The following ENOX1 variants were observed in gnomAD, a reference collection of about 807,000 sequenced individuals.
The protein encoded by ENOX1 is candidate growth-related and time keeping constitutive hydroquinone (NADH) oxidase.
ENOX1 carries 42 observed loss-of-function variants against 82.5 expected under a neutral mutation model. That is an observed-to-expected ratio of 0.51 (90% CI 0.40 to 0.66). The LOEUF (loss-of-function observed/expected upper bound fraction) is 0.66, where lower values mean the gene tolerates loss of function less well. ENOX1 is among the 30% of genes least tolerant of loss of function. The probability of loss-of-function intolerance (pLI) is 0.00; values close to 1 mark genes in which losing one functional copy is unlikely to be tolerated. For synonymous variants in ENOX1, 271 were observed against 282.2 expected, an observed-to-expected ratio of 0.96 and a Z score of 0.40; for missense variants, 608 against 811.6, an observed-to-expected ratio of 0.75 and a Z score of 3.05.
intron 2 of ENOX1, among the ~76,000 whole-genome samples, chr13:43,527,163 G>GA (rs1251974215): frequency 6.6e-6 from 1 of 151,526 alleles, no homozygotes. Flanking sequence ...CGGCAAGACA[G>GA]AACCTCCCTC....
chr13:43,364,325 A>G (rs1348377814), intron 5 of ENOX1, among the ~76,000 whole-genome samples: 1 of 152,184 alleles, frequency 6.6e-6, no homozygotes, highest in Non-Finnish European at 1.5e-5. Context: ...TACTCAGCGC[A>G]AAGAGGAGGA....
At chr13:43,395,291 C>T (rs2053070886) in intron 5 of ENOX1, among the ~76,000 whole-genome samples, 1 of 152,196 alleles carries the variant, frequency 6.6e-6, no homozygotes, top group Admixed American at 6.5e-5. Flanking sequence ...CCAAGGCGGG[C>T]AGACCACTTA....
intron 3 of ENOX1, among the ~76,000 whole-genome samples, chr13:43,460,377 CAAG>C (rs2057413603): frequency 6.6e-6 from 1 of 152,102 alleles, no homozygotes; most frequent in East Asian, 1.9e-4. Context: ...CACTTCCTCT[CAAG>C]AGGAAATTTA....
intron 3 of ENOX1, among the ~76,000 whole-genome samples, chr13:43,418,182 A>G (rs770057157): frequency 8.6e-5 from 13 of 151,008 alleles, no homozygotes; most frequent in Non-Finnish European, 1.8e-4. Context: ...ACTCCAGCCT[A>G]GTTGCCAGAG....
At chr13:43,556,122 T>A (rs1216551770) in intron 2 of ENOX1, among the ~76,000 whole-genome samples, 1 of 152,194 alleles carries the variant, frequency 6.6e-6, no homozygotes, top group Non-Finnish European at 1.5e-5. Context: ...CACTGTAACA[T>A]GGGACGTAAA....
chr13:43,589,637 A>ATACTAG (rs61452050), intron 2 of ENOX1, among the ~76,000 whole-genome samples: 2 of 152,116 alleles, frequency 1.3e-5, no homozygotes, highest in Non-Finnish European at 2.9e-5. Flanking sequence ...CCAAGTAGCC[A>ATACTAG]GACTATAGGC....
At chr13:43,370,507 T>C (rs1242099690) in intron 5 of ENOX1, among the ~76,000 whole-genome samples, 2 of 152,190 alleles carry the variant, frequency 1.3e-5, no homozygotes, top group African/African-American at 4.8e-5. Context: ...TACCGTCAAT[T>C]CCTTAGGCTG....
intron 8 of ENOX1, among the ~76,000 whole-genome samples, chr13:43,348,998 T>C (rs1566572841): frequency 6.6e-6 from 1 of 152,232 alleles, no homozygotes; most frequent in Non-Finnish European, 1.5e-5. Flanking sequence ...GTTTCAGGCA[T>C]CCACTGGGGA....
At chr13:43,356,213 G>C in intron 7 of ENOX1, 61 bp from the exon 8 acceptor site, 1 of 1,473,128 alleles carries the variant, frequency 6.8e-7, no homozygotes, top group Non-Finnish European at 9.3e-7. Context: ...TTTTGGTCCA[G>C]ACCTTCAAGG....
intron 3 of ENOX1, among the ~76,000 whole-genome samples, chr13:43,474,610 A>T (rs1000365713): frequency 1.3e-5 from 2 of 152,154 alleles, no homozygotes; most frequent in African/African-American, 4.8e-5. Flanking sequence ...ATTTGAAACG[A>T]AGTTGCTGAT....
intron 12 of ENOX1, among the ~76,000 whole-genome samples, chr13:43,280,432 C>T (rs1235789230): frequency 1.3e-5 from 2 of 152,240 alleles, no homozygotes; most frequent in African/African-American, 4.8e-5. Context: ...ATATTACCAT[C>T]ATCACTAGTC....
rs149117527 is a variant in ENOX1 at position 43,505,144 on chromosome 13, G to T, written c.-218-20992C>A. On this transcript the variant is annotated intron_variant, in intron 2 of 16. Transcript: ENST00000690772. ...GTAAAGAGACATGAGATTTATACTTGTTCTAGATGCTTCCAGTTCAACATG... is the reference window on the plus strand; with the variant it reads ...GTAAAGAGACATGAGATTTATACTTTTTCTAGATGCTTCCAGTTCAACATG... Among the ~76,000 whole-genome samples, 589 of 151,954 alleles carry T rather than the reference G, an allele frequency of 3.9e-3. 5 individuals carry two copies. Among genetic ancestry groups the T allele is most frequent in the African/African-American group, 0.013 (542 of 41,492 alleles).
intron 2 of ENOX1, among the ~76,000 whole-genome samples, chr13:43,512,542 T>A (rs1307072619): frequency 2.0e-5 from 3 of 151,422 alleles, no homozygotes; most frequent in Non-Finnish European, 4.4e-5. Flanking sequence ...AAATACTACA[T>A]AATAAAACAA....
At chr13:43,726,955 T>G (rs538291000) in intron 1 of ENOX1, among the ~76,000 whole-genome samples, 73 of 152,276 alleles carry the variant, frequency 4.8e-4, no homozygotes, top group African/African-American at 1.6e-3. Flanking sequence ...TTGGTTAGGC[T>G]GGTCTCGAAT....
intron 12 of ENOX1, among the ~76,000 whole-genome samples, chr13:43,286,493 T>C (rs538814813): frequency 1.4e-4 from 22 of 152,280 alleles, no homozygotes; most frequent in African/African-American, 5.1e-4. Context: ...GGATTTCCCA[T>C]TGCAGACATC....
At chr13:43,652,276 G>A (rs2084227284) in intron 2 of ENOX1, among the ~76,000 whole-genome samples, 2 of 152,168 alleles carry the variant, frequency 1.3e-5, no homozygotes, top group African/African-American at 4.8e-5. Flanking sequence ...AACCAAGATG[G>A]ATTCTCATCC....
At chr13:43,499,839 C>A (rs2076919828) in intron 2 of ENOX1, among the ~76,000 whole-genome samples, 1 of 151,844 alleles carries the variant, frequency 6.6e-6, no homozygotes, top group African/African-American at 2.4e-5. Context: ...TACAAGAGAA[C>A]AAATCAGGAA....
chr13:43,721,758 A>T (rs1227903880), intron 1 of ENOX1, among the ~76,000 whole-genome samples: 1 of 152,076 alleles, frequency 6.6e-6, no homozygotes, highest in Admixed American at 6.5e-5. Context: ...ACTGGACCTT[A>T]CAAATTAGAT....
intron 5 of ENOX1, among the ~76,000 whole-genome samples, chr13:43,372,884 C>T (rs573805659): frequency 1.1e-4 from 16 of 151,900 alleles, no homozygotes; most frequent in South Asian, 2.1e-4. Flanking sequence ...ATGGAGGGAC[C>T]GTCCGAGTTC....
Sources: gnomAD v4.1 joint callset for allele counts (sites outside exome capture counted in the v4.1 genomes callset) on GRCh38, gnomAD v4.1.1 for gene constraint, MANE v1.5 for transcripts, NCBI Gene and HGNC (gene_info 2026-07-23, HGNC 2026-07-21) for gene names.